RIMS4: variants seen among roughly 807,000 people sequenced by gnomAD.
RIMS4 encodes the protein regulating synaptic membrane exocytosis 4, also known as regulating synaptic membrane exocytosis protein 4.
A neutral mutation model predicts 29.0 loss-of-function variants in RIMS4; 9 were observed. That is an observed-to-expected ratio of 0.31 (90% confidence interval 0.19 to 0.54). The LOEUF (loss-of-function observed/expected upper bound fraction) is 0.54. Ranked by LOEUF, RIMS4 falls within the 20% of genes least tolerant of loss-of-function variation. The pLI is 0.94. For missense variants in RIMS4, 193 were observed against 365.7 expected, an observed-to-expected ratio of 0.53 and a Z score of 3.85; for synonymous variants, 130 against 152.9, an observed-to-expected ratio of 0.85 and a Z score of 1.10.
intron 2 of RIMS4, among the ~76,000 whole-genome samples, chr20:44,770,788 T>C (rs764731163): frequency 2.9e-4 from 44 of 152,282 alleles, no homozygotes; most frequent in South Asian, 1.0e-3. Flanking sequence ...ACCAACGGGA[T>C]TTAGGAAACT....
rs2066041556 is a variant in RIMS4 at position 44,753,053 on chromosome 20, C to T, written c.*3081G>A. The stretch of plus-strand genomic sequence containing the variant: ...TTGTCCCAGCAGACATGCACTGGAG[C>T]AACGGTCTCCTGTCGCCTGAAGAAC... On this transcript the variant is annotated 3_prime_UTR_variant, in exon 6 of 6. Transcript: ENST00000372851. 6.5e-6 allele frequency: 1 copy of T among 152,818 alleles called. No individual in the cohort carries two copies. The highest frequency in any genetic ancestry group is 6.5e-5 in the Admixed American group (1 of 15,290). The allele number at this position is 152,818 out of a possible 1,614,324, so 9.5% of individuals were successfully genotyped here.
chr20:44,777,727 C>T (rs1442461726), intron 1 of RIMS4, among the ~76,000 whole-genome samples: 1 of 152,170 alleles, frequency 6.6e-6, no homozygotes, highest in Non-Finnish European at 1.5e-5. Flanking sequence ...GCATTATCAG[C>T]TTTGACTTCC....
chr20:44,800,171 T>A (rs2066271779), intron 1 of RIMS4, among the ~76,000 whole-genome samples: 1 of 152,180 alleles, frequency 6.6e-6, no homozygotes, highest in Non-Finnish European at 1.5e-5. Flanking sequence ...TCACAGTGCC[T>A]GGCACAGGGA....
At chr20:44,779,666 T>C (rs1284838018) in intron 1 of RIMS4, among the ~76,000 whole-genome samples, 1 of 152,244 alleles carries the variant, frequency 6.6e-6, no homozygotes, top group African/African-American at 2.4e-5. Flanking sequence ...TCTGGGTGGG[T>C]AGCCTCCAGT....
chr20:44,807,626 G>A (rs1002657133), intron 1 of RIMS4, among the ~76,000 whole-genome samples: 1 of 152,176 alleles, frequency 6.6e-6, no homozygotes, highest in African/African-American at 2.4e-5. Context: ...TCCAGTATGG[G>A]AGAGACCATT....
At chr20:44,770,921 A>AC in intron 2 of RIMS4, among the ~76,000 whole-genome samples, 1 of 151,988 alleles carries the variant, frequency 6.6e-6, no homozygotes, top group Non-Finnish European at 1.5e-5. Flanking sequence ...TATAAATATC[A>AC]CCCCTGCATT....
chr20:44,797,246 A>G (rs1166076523), intron 1 of RIMS4, among the ~76,000 whole-genome samples: 2 of 152,258 alleles, frequency 1.3e-5, no homozygotes, highest in African/African-American at 4.8e-5. Flanking sequence ...AAGTTTTATT[A>G]GAACACAGCT....
chr20:44,786,861 T>C (rs1244498380), intron 1 of RIMS4, among the ~76,000 whole-genome samples: 1 of 152,220 alleles, frequency 6.6e-6, no homozygotes, highest in Non-Finnish European at 1.5e-5. Context: ...CATTCATTCA[T>C]TCACTCATTC....
chr20:44,757,314 T>C (rs2145442274), intron 4 of RIMS4, among the ~76,000 whole-genome samples: 1 of 152,092 alleles, frequency 6.6e-6, no homozygotes, highest in African/African-American at 2.4e-5. Context: ...CAGTCCATAA[T>C]GTGCCCACCC....
At chr20:44,768,936 T>C (rs2066125212) in intron 2 of RIMS4, among the ~76,000 whole-genome samples, 1 of 152,254 alleles carries the variant, frequency 6.6e-6, no homozygotes, top group Non-Finnish European at 1.5e-5. Context: ...AGCTGGTCAC[T>C]GTGCTAAGTT....
At chr20:44,764,778 GT>G (rs2145449057) in intron 2 of RIMS4, among the ~76,000 whole-genome samples, 1 of 152,322 alleles carries the variant, frequency 6.6e-6, no homozygotes, top group South Asian at 2.1e-4. Context: ...TGCTCAAATT[GT>G]TCCCTAATAC....
At chr20:44,793,065 G>A (rs2066239700) in intron 1 of RIMS4, among the ~76,000 whole-genome samples, 1 of 152,116 alleles carries the variant, frequency 6.6e-6, no homozygotes, top group Non-Finnish European at 1.5e-5. Context: ...TGGGGGTAGG[G>A]AGAGAAGTGC....
At position 44,768,053 on chromosome 20, in the gene RIMS4, C is replaced by T. The variant is rs537706336; in HGVS notation, c.236+3222G>A. Reference sequence around the variant, plus strand: ...CATTGTCCATTGGTATTACATAACCCGGGACTCAAGGCATCCTCACTGACA... The same window carrying T: ...CATTGTCCATTGGTATTACATAACCTGGGACTCAAGGCATCCTCACTGACA... On this transcript the variant is annotated intron_variant, in intron 2 of 5. Coordinates refer to ENST00000372851, the MANE Select transcript of RIMS4 (RefSeq NM_182970.4). Among the ~76,000 whole-genome samples the T allele has an allele frequency of 7.2e-5, 11 of 152,300 alleles. No individual in the cohort carries two copies. In the East Asian group the frequency reaches 1.7e-3, roughly 24 times the overall value.
At chr20:44,800,767 T>A (rs1018666384) in intron 1 of RIMS4, among the ~76,000 whole-genome samples, 2 of 151,358 alleles carry the variant, frequency 1.3e-5, no homozygotes, top group Non-Finnish European at 2.9e-5. Flanking sequence ...GCCCAAAGAG[T>A]CAAAAAGTGG....
chr20:44,807,869 C>T (rs953252840), intron 1 of RIMS4, among the ~76,000 whole-genome samples: 6 of 152,022 alleles, frequency 3.9e-5, no homozygotes, highest in African/African-American at 1.4e-4. Context: ...AGACAGTGAG[C>T]ACAAGATGCC....
At chr20:44,792,061 C>T (rs1455729516) in intron 1 of RIMS4, among the ~76,000 whole-genome samples, 1 of 152,116 alleles carries the variant, frequency 6.6e-6, no homozygotes, top group Non-Finnish European at 1.5e-5. Flanking sequence ...GGACTCAGCA[C>T]TCTCTGCTAA....
intron 1 of RIMS4, among the ~76,000 whole-genome samples, chr20:44,803,827 C>G (rs2066286995): frequency 6.6e-6 from 1 of 152,236 alleles, no homozygotes; most frequent in Non-Finnish European, 1.5e-5. Context: ...GGAGGCCAGG[C>G]AGCCACGGCA....
chr20:44,761,658 C>T (rs985683769), intron 2 of RIMS4, among the ~76,000 whole-genome samples: 1 of 152,182 alleles, frequency 6.6e-6, no homozygotes, highest in Admixed American at 6.5e-5. Flanking sequence ...CCTTCCCATC[C>T]CATTCCTTGC....
At chr20:44,788,033 C>G (rs1027990077) in intron 1 of RIMS4, among the ~76,000 whole-genome samples, 1 of 152,168 alleles carries the variant, frequency 6.6e-6, no homozygotes, top group African/African-American at 2.4e-5. Flanking sequence ...AGTAACTTGC[C>G]CAGGCTCACA....
Sources: gnomAD v4.1 joint callset for allele counts (sites outside exome capture counted in the v4.1 genomes callset) on GRCh38, gnomAD v4.1.1 for gene constraint, MANE v1.5 for transcripts, NCBI Gene and HGNC (gene_info 2026-07-23, HGNC 2026-07-21) for gene names.